Variants in NALF1 observed in about 807,000 individuals in gnomAD.
The protein encoded by NALF1 is NALCN channel auxiliary factor 1.
Under a neutral mutation model 48.4 loss-of-function variants are expected in NALF1, and 3 were observed. That is an observed-to-expected ratio of 0.06 (90% CI 0.03 to 0.16). The LOEUF (loss-of-function observed/expected upper bound fraction) is 0.16. Ranked by LOEUF, NALF1 falls within the 10% of genes least tolerant of loss-of-function variation. The pLI, the probability that NALF1 is intolerant of heterozygous loss-of-function variation, is 1.00. For missense variants in NALF1, 526 were observed against 571.5 expected (o/e 0.92, Z 0.81); for synonymous variants, 262 against 245.7 (o/e 1.07, Z -0.62).
At chr13:107,316,024 T>A (rs187842941) in intron 1 of NALF1, among the ~76,000 whole-genome samples, 2 of 152,188 alleles carry the variant, frequency 1.3e-5, no homozygotes, top group African/African-American at 4.8e-5. Flanking sequence ...ATTAGGTATA[T>A]CTCCTAATGC....
chr13:107,699,527 G>A (rs1287128645), intron 1 of NALF1, among the ~76,000 whole-genome samples: 1 of 152,068 alleles, frequency 6.6e-6, no homozygotes, highest in Non-Finnish European at 1.5e-5. Context: ...CACAGACAGT[G>A]CAAATATGTT....
At chr13:107,203,851 A>T (rs936945709) in intron 2 of NALF1, among the ~76,000 whole-genome samples, 4 of 152,176 alleles carry the variant, frequency 2.6e-5, no homozygotes, top group African/African-American at 7.2e-5. Flanking sequence ...GGATAACTTG[A>T]ACTACGTTAG....
intron 1 of NALF1, among the ~76,000 whole-genome samples, chr13:107,247,412 C>G (rs1208740191): frequency 6.6e-6 from 1 of 152,142 alleles, no homozygotes; most frequent in Admixed American, 6.5e-5. Context: ...TGATACACCC[C>G]AAAGGGGTTT....
chr13:107,749,758 CTT>C (rs1282906308), intron 1 of NALF1, among the ~76,000 whole-genome samples: 2 of 151,918 alleles, frequency 1.3e-5, no homozygotes, highest in Non-Finnish European at 2.9e-5. Context: ...ATAAAGTAAA[CTT>C]GATATGAAAT....
intron 1 of NALF1, among the ~76,000 whole-genome samples, chr13:107,743,233 AC>A (rs1445516761): frequency 6.6e-6 from 1 of 152,190 alleles, no homozygotes; most frequent in Non-Finnish European, 1.5e-5. Flanking sequence ...CCCTTAACAC[AC>A]ATCCTTTCCT....
At chr13:107,782,489 G>A (rs939798750) in intron 1 of NALF1, among the ~76,000 whole-genome samples, 14 of 152,142 alleles carry the variant, frequency 9.2e-5, no homozygotes, top group African/African-American at 2.7e-4. Context: ...TCTAGGAAGT[G>A]AGGAGCGTCT....
intron 1 of NALF1, among the ~76,000 whole-genome samples, chr13:107,489,032 A>G (rs1246953385): frequency 6.6e-6 from 1 of 152,172 alleles, no homozygotes; most frequent in Non-Finnish European, 1.5e-5. Context: ...GTTGCAACAA[A>G]AATAATAAAA....
intron 1 of NALF1, among the ~76,000 whole-genome samples, chr13:107,249,816 TA>T (rs1198668353): frequency 6.6e-6 from 1 of 152,192 alleles, no homozygotes; most frequent in Non-Finnish European, 1.5e-5. Context: ...GTTTGTTAAT[TA>T]ACCTAACAGT....
At chr13:107,755,562 C>G (rs1370743769) in intron 1 of NALF1, among the ~76,000 whole-genome samples, 1 of 150,594 alleles carries the variant, frequency 6.6e-6, no homozygotes, top group Non-Finnish European at 1.5e-5. Context: ...ATTTTACATA[C>G]TAGATTCTAG....
chr13:107,403,119 C>T (rs1372144605), intron 1 of NALF1, among the ~76,000 whole-genome samples: 1 of 143,070 alleles, frequency 7.0e-6, no homozygotes, highest in Non-Finnish European at 1.5e-5. Flanking sequence ...TTTTGGCTCA[C>T]AAAGGACTAG....
chr13:107,745,073 G>A (rs896998583), intron 1 of NALF1, among the ~76,000 whole-genome samples: 8 of 152,158 alleles, frequency 5.3e-5, no homozygotes, highest in Admixed American at 1.3e-4. Flanking sequence ...AAACATGATC[G>A]AATAGATATT....
intron 1 of NALF1, among the ~76,000 whole-genome samples, chr13:107,707,335 T>C (rs1164950798): frequency 6.6e-6 from 1 of 152,196 alleles, no homozygotes; most frequent in Non-Finnish European, 1.5e-5. Flanking sequence ...GCATCCAATA[T>C]AAGTGGTAAA....
At chr13:107,260,859 G>T (rs959871269) in intron 1 of NALF1, among the ~76,000 whole-genome samples, 1 of 152,160 alleles carries the variant, frequency 6.6e-6, no homozygotes, top group Non-Finnish European at 1.5e-5. Context: ...AGTTCTATAA[G>T]CCTGGGTTCT....
chr13:107,643,395 C>G (rs1880215983), intron 1 of NALF1, among the ~76,000 whole-genome samples: 1 of 152,022 alleles, frequency 6.6e-6, no homozygotes, highest in Admixed American at 6.6e-5. Context: ...TAAACTCTTC[C>G]CATTCAAAAC....
At position 107,169,388 on chromosome 13, in the gene NALF1, G is replaced by C. The variant is rs1038619392; in HGVS notation, c.*1109C>G. 1 of 146,398 alleles carries C rather than the reference G, an allele frequency of 6.8e-6. No homozygotes were observed. Among genetic ancestry groups the C allele is most frequent in the South Asian group, 2.2e-4 (1 of 4,514 alleles). 9.1% of individuals were successfully genotyped at this position (146,398 alleles called of 1,614,324 possible). On this transcript the variant is annotated 3_prime_UTR_variant, in exon 3 of 3. Transcript: ENST00000375915. ...TGTCTCTTCCACAACAATAAGGGAG[G>C]AAAAGAAGTCCAGATATGTGTCCGC...
At chr13:107,259,819 A>T (rs1880895770) in intron 1 of NALF1, among the ~76,000 whole-genome samples, 1 of 152,194 alleles carries the variant, frequency 6.6e-6, no homozygotes, top group Admixed American at 6.5e-5. Context: ...CTTGAAAGCG[A>T]ACAATACTCC....
rs556791416 is a variant in NALF1 at position 107,550,540 on chromosome 13, G to A, written c.915+315142C>T. Reference sequence around the variant, plus strand: ...TCACCAGAATGTCACAACCTTGTCCGCCAGCATCTCTCTCATTGATCTTTT... The same window carrying A: ...TCACCAGAATGTCACAACCTTGTCCACCAGCATCTCTCTCATTGATCTTTT... On this transcript the variant is annotated intron_variant, in intron 1 of 2. Coordinates refer to ENST00000375915, the MANE Select transcript of NALF1 (RefSeq NM_001080396.3). Among the ~76,000 whole-genome samples the A allele has an allele frequency of 2.0e-5, 3 of 152,132 alleles. 1 individual carries two copies. The highest frequency in any genetic ancestry group is 1.3e-4 in the Admixed American group (2 of 15,250).
At chr13:107,248,657 C>T (rs894009681) in intron 1 of NALF1, among the ~76,000 whole-genome samples, 2 of 150,432 alleles carry the variant, frequency 1.3e-5, no homozygotes, top group African/African-American at 2.5e-5. Flanking sequence ...TTGTACCAGC[C>T]ACATTTCAAA....
At chr13:107,840,002 C>T (rs1880001271) in intron 1 of NALF1, among the ~76,000 whole-genome samples, 1 of 152,262 alleles carries the variant, frequency 6.6e-6, no homozygotes, top group East Asian at 1.9e-4. Context: ...GGGAGATCTA[C>T]AAGTTGATCC....
Sources: gnomAD v4.1 joint callset for allele counts (sites outside exome capture counted in the v4.1 genomes callset) on GRCh38, gnomAD v4.1.1 for gene constraint, MANE v1.5 for transcripts, NCBI Gene and HGNC (gene_info 2026-07-23, HGNC 2026-07-21) for gene names.